Variants in ARHGAP20 observed in about 807,000 individuals in gnomAD.
ARHGAP20 encodes the protein Rho GTPase activating protein 20.
A neutral mutation model predicts 73.7 loss-of-function variants in ARHGAP20; 34 were observed. That is an observed-to-expected ratio of 0.46 (90% CI 0.35 to 0.61). The LOEUF is 0.61. Ranked by LOEUF, ARHGAP20 falls within the 20% of genes least tolerant of loss-of-function variation. The pLI is 0.00. For missense variants in ARHGAP20, 1,314 were observed against 1,420.9 expected, an observed-to-expected ratio of 0.92 and a Z score of 1.21; for synonymous variants, 523 against 518.2, an observed-to-expected ratio of 1.01 and a Z score of -0.13.
chr11:110,622,693 C>T (rs1456972752), intron 4 of ARHGAP20, among the ~76,000 whole-genome samples: 5 of 152,066 alleles, frequency 3.3e-5, no homozygotes, highest in Non-Finnish European at 5.9e-5. Context: ...GGGTGCTGGT[C>T]AGGTATCCTG....
At chr11:110,612,429 A>C (rs1948390753) in intron 6 of ARHGAP20, among the ~76,000 whole-genome samples, 1 of 151,170 alleles carries the variant, frequency 6.6e-6, no homozygotes, top group African/African-American at 2.4e-5. Context: ...CTCCATCTCA[A>C]AAAAAAAACA....
At chr11:110,680,323 T>C (rs1215684618) in intron 2 of ARHGAP20, among the ~76,000 whole-genome samples, 1 of 152,108 alleles carries the variant, frequency 6.6e-6, no homozygotes, top group Non-Finnish European at 1.5e-5. Context: ...ACCACAATAA[T>C]ATGAAGCTTC....
chr11:110,582,530 A>C, intron 13 of ARHGAP20, 95 bp from the exon 14 acceptor site: 1 of 726,328 alleles, frequency 1.4e-6, no homozygotes, highest in Non-Finnish European at 2.3e-6. Context: ...CAAAAACCAC[A>C]TCTACCCAGA....
intron 4 of ARHGAP20, among the ~76,000 whole-genome samples, chr11:110,618,721 G>GAT (rs1491359349): frequency 6.1e-5 from 9 of 147,082 alleles, no homozygotes; most frequent in East Asian, 2.0e-4. Flanking sequence ...TATATGCAGT[G>GAT]AGAGTGTATG....
intron 2 of ARHGAP20, among the ~76,000 whole-genome samples, chr11:110,641,538 G>T (rs571829314): frequency 6.6e-6 from 1 of 152,004 alleles, no homozygotes; most frequent in South Asian, 2.1e-4. Context: ...CAGGAAAAAT[G>T]AGAGTATTTG....
chr11:110,594,662 A>T (rs1037014484), intron 9 of ARHGAP20, among the ~76,000 whole-genome samples: 7 of 152,204 alleles, frequency 4.6e-5, no homozygotes, highest in African/African-American at 1.7e-4. Context: ...GGACCAACCA[A>T]AAAAAGTTCA....
At chr11:110,706,627 C>T (rs1950556793) in intron 1 of ARHGAP20, among the ~76,000 whole-genome samples, 1 of 152,116 alleles carries the variant, frequency 6.6e-6, no homozygotes, top group Non-Finnish European at 1.5e-5. Flanking sequence ...ACTAATAACT[C>T]CTGCACTTTT....
rs1947427310 is a variant in ARHGAP20 at position 110,580,510 on chromosome 11, C to T, written c.2436G>A (p.Gln812=). The change falls in exon 15 of 15, where the codon CAG becomes CAA. Residue 812 remains glutamine (Q), a synonymous_variant. Coordinates refer to ENST00000683387, the MANE Select transcript of ARHGAP20 (RefSeq NM_001384657.1). ...SVASYSPMSS[Q]DHSKNQPFDV... is the part of the protein sequence containing the mutation. ...CAAAGGGCTGGTTCTTGGAATGATC[C>T]TGTGAGGACATAGGACTATAAGATG... The T allele has an allele frequency of 1.9e-6, 3 of 1,614,056 alleles. No homozygotes were observed. The highest frequency in any genetic ancestry group is 1.7e-5 in the Admixed American group (1 of 60,010).
chr11:110,695,990 A>T (rs1434966750), intron 1 of ARHGAP20, among the ~76,000 whole-genome samples: 1 of 151,640 alleles, frequency 6.6e-6, no homozygotes, highest in Non-Finnish European at 1.5e-5. Flanking sequence ...TTGGCAACAA[A>T]AAGAAATGAA....
chr11:110,660,061 CAAAAA>C (rs746439426), intron 2 of ARHGAP20, among the ~76,000 whole-genome samples: 22 of 69,248 alleles, frequency 3.2e-4, no homozygotes, highest in African/African-American at 9.0e-4. Context: ...TAATAAAAAA[CAAAAA>C]AAAAAAAAAA....
intron 2 of ARHGAP20, among the ~76,000 whole-genome samples, chr11:110,659,563 A>C (rs1413814904): frequency 1.3e-5 from 2 of 151,700 alleles, no homozygotes; most frequent in Non-Finnish European, 1.5e-5. Flanking sequence ...TCTTTAGTTT[A>C]ATTAGATCCC....
intron 2 of ARHGAP20, among the ~76,000 whole-genome samples, chr11:110,666,061 A>G (rs1165176409): frequency 1.3e-5 from 2 of 152,144 alleles, no homozygotes; most frequent in African/African-American, 4.8e-5. Context: ...ACACACTATG[A>G]TTCATTCCAC....
At chr11:110,587,327 G>A (rs1326218814) in intron 11 of ARHGAP20, among the ~76,000 whole-genome samples, 2 of 152,156 alleles carry the variant, frequency 1.3e-5, no homozygotes, top group Non-Finnish European at 2.9e-5. Context: ...CATACACATG[G>A]TTGGCTACCC....
chr11:110,636,679 T>C (rs1344190921), intron 2 of ARHGAP20, among the ~76,000 whole-genome samples: 1 of 152,000 alleles, frequency 6.6e-6, no homozygotes, highest in African/African-American at 2.4e-5. Context: ...TACACTAAAA[T>C]AAAAGTAAAC....
At chr11:110,629,822 T>C (rs1011055861) in intron 3 of ARHGAP20, among the ~76,000 whole-genome samples, 2 of 152,208 alleles carry the variant, frequency 1.3e-5, no homozygotes. Context: ...AGGTGAGCTT[T>C]GAGATAACTT....
chr11:110,626,966 T>G (rs929001280), intron 3 of ARHGAP20, among the ~76,000 whole-genome samples: 1 of 152,100 alleles, frequency 6.6e-6, no homozygotes, highest in Non-Finnish European at 1.5e-5. Flanking sequence ...CTATAGAAAT[T>G]TAAAAATGCT....
chr11:110,698,075 T>C (rs1565483579), intron 1 of ARHGAP20, among the ~76,000 whole-genome samples: 1 of 151,746 alleles, frequency 6.6e-6, no homozygotes, highest in Non-Finnish European at 1.5e-5. Flanking sequence ...TTTTTCCATT[T>C]GTGTCATCTA....
At chr11:110,622,180 G>A (rs1948643839) in intron 4 of ARHGAP20, among the ~76,000 whole-genome samples, 1 of 152,088 alleles carries the variant, frequency 6.6e-6, no homozygotes, top group South Asian at 2.1e-4. Context: ...GCCAGTTTTA[G>A]TTGTCCTACA....
chr11:110,625,066 T>G, intron 3 of ARHGAP20, among the ~76,000 whole-genome samples: 1 of 148,934 alleles, frequency 6.7e-6, no homozygotes, highest in East Asian at 1.9e-4. Context: ...AGTCTCGCTC[T>G]GTCGCCCAGG....
Sources: gnomAD v4.1 joint callset for allele counts (sites outside exome capture counted in the v4.1 genomes callset) on GRCh38, gnomAD v4.1.1 for gene constraint, MANE v1.5 for transcripts, NCBI Gene and HGNC (gene_info 2026-07-23, HGNC 2026-07-21) for gene names.